TMEM68: variants seen among roughly 807,000 people sequenced by gnomAD.
TMEM68 encodes DGAT1/2-independent enzyme synthesizing storage lipids.
A neutral mutation model predicts 36.9 loss-of-function variants in TMEM68; 25 were observed. That is an observed-to-expected ratio of 0.68 (90% CI 0.49 to 0.95). The LOEUF (loss-of-function observed/expected upper bound fraction) is 0.95, where lower values mean the gene tolerates loss of function less well. Among genes scored for constraint, TMEM68 ranks in the 40% least tolerant of loss-of-function variants. The pLI is 0.00. For missense variants in TMEM68, 333 were observed against 392.0 expected (o/e 0.85, Z 1.27); for synonymous variants, 131 against 124.4 (o/e 1.05, Z -0.35).
intron 5 of TMEM68, among the ~76,000 whole-genome samples, chr8:55,749,704 T>C (rs1468623134): frequency 6.6e-6 from 1 of 152,174 alleles, no homozygotes; most frequent in Non-Finnish European, 1.5e-5. Flanking sequence ...AATAATTATA[T>C]GCATCACCTC....
intron 5 of TMEM68, 77 bp downstream of exon 5, chr8:55,750,887 C>T: frequency 1.4e-6 from 2 of 1,422,896 alleles, no homozygotes; most frequent in African/African-American, 1.5e-5. Flanking sequence ...AGTTCTTATA[C>T]AATTTGGCTC....
At chr8:55,754,481 A>G (rs1410258519) in intron 4 of TMEM68, among the ~76,000 whole-genome samples, 3 of 142,892 alleles carry the variant, frequency 2.1e-5, no homozygotes, top group Non-Finnish European at 4.5e-5. Flanking sequence ...ACACACACAC[A>G]CACACACACA....
At position 55,756,371 on chromosome 8, in the gene TMEM68, T is replaced by C. The variant is rs1810609658; in HGVS notation, c.366A>G (p.Gly122=). 8 of 1,592,112 alleles carry C rather than the reference T, an allele frequency of 5.0e-6. No individual in the cohort carries two copies. The highest frequency in any genetic ancestry group is 6.8e-6 in the Non-Finnish European group (8 of 1,173,382). ...VHGMEKIPED[G]PALIIFYHGA... is the part of the protein sequence containing the mutation. Reference sequence around the variant, plus strand: ...CATGATAAAAAATTATAAGTGCTGGTCCATCTTCTGGTATTTTTTCCATTC... The same window carrying C: ...CATGATAAAAAATTATAAGTGCTGGCCCATCTTCTGGTATTTTTTCCATTC... Residue 122 remains glycine, a synonymous_variant, in exon 4 of 8, where the codon GGA becomes GGG. Coordinates refer to ENST00000434581, the MANE Select transcript of TMEM68 (RefSeq NM_001286657.2).
At chr8:55,759,544 C>A (rs912753886) in intron 3 of TMEM68, among the ~76,000 whole-genome samples, 1 of 151,658 alleles carries the variant, frequency 6.6e-6, no homozygotes, top group Non-Finnish European at 1.5e-5. Context: ...GCACTCCAGC[C>A]TGGGACACAA....
At chr8:55,757,933 A>AT (rs1563434496) in intron 3 of TMEM68, among the ~76,000 whole-genome samples, 1 of 152,160 alleles carries the variant, frequency 6.6e-6, no homozygotes, top group African/African-American at 2.4e-5. Flanking sequence ...ACAGAGCCCC[A>AT]TAAGATTTTA....
At chr8:55,751,261 C>G in intron 4 of TMEM68, 104 bp from the exon 5 acceptor site, 1 of 1,048,526 alleles carries the variant, frequency 9.5e-7, no homozygotes, top group Non-Finnish European at 1.3e-6. Context: ...ATACTTAAAT[C>G]AGTAAACTTT....
chr8:55,762,928 C>A lies in TMEM68; in HGVS notation c.32G>T (p.Gly11Val). The change falls in exon 3 of 8, where the codon GGA becomes GTA. Residue 11 changes from glycine to valine, a missense_variant. Physicochemically the swap from Gly to Val is moderately radical, Grantham distance 109. Coordinates refer to ENST00000434581, the MANE Select transcript of TMEM68 (RefSeq NM_001286657.2). MIDKNQTCGV[G>V]QDSVPYMICL... ...AATCATATAGGGCACAGAATCCTGTCCTACACCACAGGTTTGATTTTTGTC... is the reference window on the plus strand; with the variant it reads ...AATCATATAGGGCACAGAATCCTGTACTACACCACAGGTTTGATTTTTGTC... 6.3e-7 allele frequency: 1 copy of A among 1,598,652 alleles called. No individual in the cohort carries two copies. Among genetic ancestry groups the A allele is most frequent in the Non-Finnish European group, 8.5e-7 (1 of 1,174,172 alleles).
chr8:55,765,023 G>A (rs556077137), intron 1 of TMEM68, among the ~76,000 whole-genome samples: 157 of 152,252 alleles, frequency 1.0e-3, no homozygotes, highest in Non-Finnish European at 1.6e-3. Flanking sequence ...AGCGAGCCGA[G>A]ATTGCACCAT....
chr8:55,772,387 C>G (rs1811205134), intron 1 of TMEM68, among the ~76,000 whole-genome samples: 1 of 152,204 alleles, frequency 6.6e-6, no homozygotes, highest in East Asian at 1.9e-4. Flanking sequence ...AAGAAGTTGC[C>G]CGTGCAGCCT....
chr8:55,754,642 ATATATT>A (rs1437585927), intron 4 of TMEM68, among the ~76,000 whole-genome samples: 18 of 128,710 alleles, frequency 1.4e-4, no homozygotes, highest in African/African-American at 4.8e-4. Flanking sequence ...ATTATATAAT[ATATATT>A]TATATTATAT....
At chr8:55,771,155 CAAAA>C (rs113484781) in intron 1 of TMEM68, among the ~76,000 whole-genome samples, 1 of 126,484 alleles carries the variant, frequency 7.9e-6, no homozygotes, top group Non-Finnish European at 1.7e-5. Flanking sequence ...TCTCCGTCTC[CAAAA>C]AAAAAAAAAA....
At chr8:55,768,245 C>T (rs1449198353) in intron 1 of TMEM68, among the ~76,000 whole-genome samples, 1 of 151,946 alleles carries the variant, frequency 6.6e-6, no homozygotes, top group East Asian at 1.9e-4. Context: ...AAACAAAACA[C>T]TTTGGACAGG....
intron 4 of TMEM68, among the ~76,000 whole-genome samples, chr8:55,754,145 G>A (rs894890628): frequency 2.8e-5 from 4 of 143,596 alleles, no homozygotes; most frequent in Admixed American, 7.0e-5. Flanking sequence ...CATATGGCCA[G>A]CTAGGCATGG....
intron 4 of TMEM68, among the ~76,000 whole-genome samples, chr8:55,753,576 T>C (rs1810482876): frequency 1.3e-5 from 2 of 152,224 alleles, no homozygotes; most frequent in South Asian, 4.1e-4. Flanking sequence ...TAACTGTTTA[T>C]AGGCACTGAA....
intron 4 of TMEM68, among the ~76,000 whole-genome samples, chr8:55,754,038 G>C (rs1387119497): frequency 2.0e-5 from 3 of 152,152 alleles, no homozygotes; most frequent in African/African-American, 7.2e-5. Flanking sequence ...GCTGCAGTGA[G>C]TCGCGATCGC....
At chr8:55,768,448 C>T (rs991061010) in intron 1 of TMEM68, among the ~76,000 whole-genome samples, 3 of 152,104 alleles carry the variant, frequency 2.0e-5, no homozygotes, top group African/African-American at 7.2e-5. Context: ...GGCATGGTAA[C>T]TCACACCTGT....
intron 4 of TMEM68, among the ~76,000 whole-genome samples, chr8:55,755,786 A>G (rs1810586805): frequency 6.6e-6 from 1 of 152,034 alleles, no homozygotes; most frequent in African/African-American, 2.4e-5. Flanking sequence ...TTCAAGATAC[A>G]ACTTAAAAAA....
intron 5 of TMEM68, 79 bp from the exon 6 acceptor site, chr8:55,745,200 C>CT (rs879715126): frequency 0.023 from 17,448 of 768,934 alleles, no homozygotes; most frequent in South Asian, 0.028. Context: ...CTAATGCAAA[C>CT]TTTTTTTTTT....
chr8:55,765,149 T>C (rs1447214685), intron 1 of TMEM68, among the ~76,000 whole-genome samples: 2 of 152,168 alleles, frequency 1.3e-5, no homozygotes, highest in African/African-American at 2.4e-5. Flanking sequence ...ATAGCAACCA[T>C]CCATCAGAAC....
Sources: gnomAD v4.1 joint callset for allele counts (sites outside exome capture counted in the v4.1 genomes callset) on GRCh38, gnomAD v4.1.1 for gene constraint, MANE v1.5 for transcripts, NCBI Gene and HGNC (gene_info 2026-07-23, HGNC 2026-07-21) for gene names.